PPP2R3A: variants seen among roughly 807,000 people sequenced by gnomAD.
PPP2R3A encodes serine/threonine-protein phosphatase 2A regulatory subunit B'' subunit alpha.
Under a neutral mutation model 106.9 loss-of-function variants are expected in PPP2R3A, and 80 were observed. That is an observed-to-expected ratio of 0.75 (90% CI 0.62 to 0.90). The LOEUF is 0.90. Among genes scored for constraint, PPP2R3A ranks in the 40% least tolerant of loss-of-function variants. PPP2R3A has a pLI of 0.00. For missense variants in PPP2R3A, 1,386 were observed against 1,350.4 expected, an observed-to-expected ratio of 1.03 and a Z score of -0.41; for synonymous variants, 483 against 468.3, an observed-to-expected ratio of 1.03 and a Z score of -0.41.
chr3:136,042,381 A>C (rs1935317588), intron 4 of PPP2R3A, among the ~76,000 whole-genome samples: 2 of 152,152 alleles, frequency 1.3e-5, no homozygotes, highest in Non-Finnish European at 2.9e-5. Flanking sequence ...AAAATAGCTA[A>C]TGCATATTGG....
rs1018590041 is a variant in PPP2R3A at position 136,001,723 on chromosome 3, T to C, written c.225T>C (p.His75=). The C allele has an allele frequency of 9.9e-6, 16 of 1,614,004 alleles. No individual in the cohort carries two copies. Among genetic ancestry groups the C allele is most frequent in the Non-Finnish European group, 1.4e-5 (16 of 1,180,006 alleles). Residue 75 remains histidine (H), a synonymous_variant, in exon 2 of 14, where the codon CAT becomes CAC. Coordinates refer to ENST00000264977, the MANE Select transcript of PPP2R3A (RefSeq NM_002718.5). ...DADLNSMFLP[H]ENGLSSAEGD... is the part of the protein sequence containing the mutation. ...ATCTGAACTCTATGTTTCTACCCCA[T>C]GAAAATGGGCTTTCTTCGGCTGAAG...
chr3:136,032,592 A>G (rs138421205), intron 3 of PPP2R3A, among the ~76,000 whole-genome samples: 2,489 of 151,566 alleles, frequency 0.016, 32 homozygotes, highest in South Asian at 0.027. Flanking sequence ...CAGTGGCTCA[A>G]TCTCAGCTCA....
At chr3:136,036,470 G>A (rs1230582015) in intron 3 of PPP2R3A, among the ~76,000 whole-genome samples, 5 of 152,178 alleles carry the variant, frequency 3.3e-5, no homozygotes, top group Non-Finnish European at 5.9e-5. Flanking sequence ...GAGCCAAGCT[G>A]TAGTGATTGT....
chr3:135,990,801 CT>C (rs1933128650), intron 1 of PPP2R3A, among the ~76,000 whole-genome samples: 1 of 152,024 alleles, frequency 6.6e-6, no homozygotes, highest in Non-Finnish European at 1.5e-5. Context: ...CTAGCTTCAT[CT>C]TGTGTCCTCA....
chr3:136,107,963 A>C (rs1234890537), intron 13 of PPP2R3A, among the ~76,000 whole-genome samples: 1 of 152,214 alleles, frequency 6.6e-6, no homozygotes, highest in African/African-American at 2.4e-5. Flanking sequence ...CTGTAATCCC[A>C]GCACTTTGGG....
chr3:136,002,057 T>G lies in PPP2R3A; in HGVS notation c.559T>G (p.Leu187Val). The change falls in exon 2 of 14, where the codon TTG becomes GTG. Residue 187 changes from leucine (L) to valine (V), a missense_variant. By Grantham distance (32) the Leu-to-Val change is conservative. Coordinates refer to ENST00000264977, the MANE Select transcript of PPP2R3A (RefSeq NM_002718.5). ...LRSSSVEEKP[L>V]SHRNSLDTNL... is the part of the protein sequence containing the mutation. ...GAGTTCCTCAGTTGAGGAAAAACCT[T>G]TGTCTCATAGAAACTCACTGGATAC... 1 of 1,614,000 alleles carries G rather than the reference T, an allele frequency of 6.2e-7. No individual in the cohort carries two copies. The highest frequency in any genetic ancestry group is 2.2e-5 in the East Asian group (1 of 44,872).
At chr3:136,092,954 T>G (rs1416662498) in intron 10 of PPP2R3A, among the ~76,000 whole-genome samples, 1 of 152,058 alleles carries the variant, frequency 6.6e-6, no homozygotes, top group Non-Finnish European at 1.5e-5. Flanking sequence ...AAAAATTAAG[T>G]CAAATGGATC....
At position 136,001,689 on chromosome 3, in the gene PPP2R3A, A is replaced by G. The variant is rs752390121; in HGVS notation, c.191A>G (p.Lys64Arg). ...TTGCACATCCCTGTGTCTCAGTTCA[A>G]AGATGCAGATCTGAACTCTATGTTT... ...DLLHIPVSQFKDADLNSMFLP... is the reference protein window; with the variant it reads ...DLLHIPVSQFRDADLNSMFLP... The change falls in exon 2 of 14, where the codon AAA becomes AGA. Residue 64 changes from lysine to arginine, a missense_variant. Coordinates refer to ENST00000264977, the MANE Select transcript of PPP2R3A (RefSeq NM_002718.5). 5 of 1,614,106 alleles carry G rather than the reference A, an allele frequency of 3.1e-6. No homozygotes were observed. The highest frequency in any genetic ancestry group is 4.2e-6 in the Non-Finnish European group (5 of 1,179,992).
chr3:136,067,101 A>G (rs919568209), intron 5 of PPP2R3A, among the ~76,000 whole-genome samples: 1 of 152,240 alleles, frequency 6.6e-6, no homozygotes, highest in Non-Finnish European at 1.5e-5. Flanking sequence ...AAGAGAAAAC[A>G]ATTAGAAGCA....
rs749403960 is a variant in PPP2R3A at position 136,002,614 on chromosome 3, C to T, written c.1116C>T (p.Asn372=). The T allele has an allele frequency of 8.1e-6, 13 of 1,614,000 alleles. No individual in the cohort carries two copies. Among genetic ancestry groups the T allele is most frequent in the South Asian group, 1.1e-5 (1 of 91,072 alleles). Residue 372 remains asparagine (N), a synonymous_variant, in exon 2 of 14, where the codon AAC becomes AAT. Transcript: ENST00000264977. Reference sequence around the variant, plus strand: ...ACACTGTACAATCCATTCCAAACAACTCCACAAATTCCTTATATAACTTAG... The same window carrying T: ...ACACTGTACAATCCATTCCAAACAATTCCACAAATTCCTTATATAACTTAG... The part of the protein sequence containing the change: ...KMDTVQSIPN[N]STNSLYNLEV...
chr3:136,032,115 C>T (rs973852617), intron 3 of PPP2R3A, among the ~76,000 whole-genome samples: 7 of 152,104 alleles, frequency 4.6e-5, no homozygotes, highest in African/African-American at 1.7e-4. Flanking sequence ...GCAGAATGGT[C>T]ATTTTCACAA....
intron 13 of PPP2R3A, among the ~76,000 whole-genome samples, chr3:136,111,777 G>A (rs1159715749): frequency 6.6e-6 from 1 of 151,972 alleles, no homozygotes; most frequent in African/African-American, 2.4e-5. Flanking sequence ...ATCAAGGAGG[G>A]ACTCCTCTCT....
chr3:136,023,724 G>A (rs563710636), intron 2 of PPP2R3A, among the ~76,000 whole-genome samples: 117 of 152,050 alleles, frequency 7.7e-4, no homozygotes, highest in South Asian at 3.9e-3. Context: ...TGTGTGTGTC[G>A]TAATGTATGT....
At chr3:136,034,920 A>G (rs922815481) in intron 3 of PPP2R3A, among the ~76,000 whole-genome samples, 4 of 152,138 alleles carry the variant, frequency 2.6e-5, no homozygotes, top group Non-Finnish European at 5.9e-5. Context: ...TAGTGCATAT[A>G]TGTTTAGGAT....
At chr3:135,968,633 G>A (rs1937158672) in intron 1 of PPP2R3A, among the ~76,000 whole-genome samples, 1 of 147,520 alleles carries the variant, frequency 6.8e-6, no homozygotes, top group African/African-American at 2.5e-5. Context: ...ACTTAAGACC[G>A]ACGCCTGGGC....
At chr3:136,100,654 G>A (rs1937338588) in intron 10 of PPP2R3A, among the ~76,000 whole-genome samples, 1 of 152,038 alleles carries the variant, frequency 6.6e-6, no homozygotes, top group Non-Finnish European at 1.5e-5. Flanking sequence ...TCCAGCCTGG[G>A]CAATAGAGTG....
intron 2 of PPP2R3A, among the ~76,000 whole-genome samples, chr3:136,018,877 C>CCAG (rs1934369048): frequency 6.6e-6 from 1 of 152,220 alleles, no homozygotes; most frequent in East Asian, 1.9e-4. Flanking sequence ...GAAAGACTGT[C>CCAG]TCCCTTGCCC....
intron 3 of PPP2R3A, among the ~76,000 whole-genome samples, chr3:136,033,140 A>G (rs146385577): frequency 6.6e-6 from 1 of 152,142 alleles, no homozygotes; most frequent in East Asian, 1.9e-4. Flanking sequence ...TGATCATGTG[A>G]TTTTGGTTTT....
chr3:136,102,332 A>T, intron 11 of PPP2R3A, 150 bp downstream of exon 11: 13 of 471,394 alleles, frequency 2.8e-5, no homozygotes, highest in East Asian at 9.8e-5. Context: ...CTTGACTATT[A>T]GTGTAGCAAC....
Sources: gnomAD v4.1 joint callset for allele counts (sites outside exome capture counted in the v4.1 genomes callset) on GRCh38, gnomAD v4.1.1 for gene constraint, MANE v1.5 for transcripts, NCBI Gene and HGNC (gene_info 2026-07-23, HGNC 2026-07-21) for gene names.